The following GATAD2B variants were observed in gnomAD, a reference collection of about 807,000 sequenced individuals.
GATAD2B encodes the protein GATA zinc finger domain containing 2B.
A neutral mutation model predicts 64.3 loss-of-function variants in GATAD2B; 8 were observed. The ratio of observed to expected loss-of-function variants is 0.12; its 90% CI spans 0.07 to 0.22. GATAD2B has a LOEUF of 0.22. Among genes scored for constraint, GATAD2B ranks in the 10% least tolerant of loss-of-function variants. The pLI is 1.00. For missense variants in GATAD2B, 453 were observed against 752.0 expected (o/e 0.60, Z 4.65); for synonymous variants, 281 against 271.3 (o/e 1.04, Z -0.35).
intron 1 of GATAD2B, among the ~76,000 whole-genome samples, chr1:153,892,886 G>A (rs1320932434): frequency 6.6e-6 from 1 of 151,864 alleles, no homozygotes; most frequent in Non-Finnish European, 1.5e-5. Flanking sequence ...GTAGAGACGG[G>A]GTTTCACAAT....
chr1:153,891,574 TAAAAA>T (rs1163572311), intron 1 of GATAD2B, among the ~76,000 whole-genome samples: 39 of 19,948 alleles, frequency 2.0e-3, no homozygotes, highest in African/African-American at 6.4e-3. Context: ...CTGTCTCGTT[TAAAAA>T]AAAAAAAAAA....
chr1:153,848,151 C>A (rs1675754228), intron 1 of GATAD2B, among the ~76,000 whole-genome samples: 3 of 152,160 alleles, frequency 2.0e-5, no homozygotes, highest in Non-Finnish European at 4.4e-5. Context: ...GAAAATTCTT[C>A]CCATGACTTC....
chr1:153,827,662 A>T (rs1053298594), intron 2 of GATAD2B: 38 of 222,424 alleles, frequency 1.7e-4, no homozygotes, highest in African/African-American at 8.7e-4. Flanking sequence ...AACTCCTGGA[A>T]TTATCTGACA....
rs532725717 is a variant in GATAD2B, at chr1:153,831,047, T to C, written c.-1-2699A>G. On this transcript the variant is annotated intron_variant, in intron 1 of 10. Coordinates refer to ENST00000368655, the MANE Select transcript of GATAD2B (RefSeq NM_020699.4). ...CAGCCTCTCAAAGCACTTGGGATTA[T>C]AGGCAGAAATACACCTTTTAGAGAT... Among the ~76,000 whole-genome samples, 58 of 152,286 alleles carry C rather than the reference T, an allele frequency of 3.8e-4. 1 individual carries two copies. The South Asian group carries it at 0.011, about 29-fold the overall frequency.
chr1:153,922,097 G>A (rs1168243522), intron 1 of GATAD2B: 3 of 152,194 alleles, frequency 2.0e-5, no homozygotes, highest in Admixed American at 1.3e-4. Flanking sequence ...CCTACGGGAG[G>A]GCGAGCGAAC....
rs1267043652 is a variant in GATAD2B at position 153,809,899 on chromosome 1, C to T, written c.*278G>A. On this transcript the variant is annotated 3_prime_UTR_variant, in exon 11 of 11. Transcript: ENST00000368655. ...ATTCTCCCCAGGACCTCATTCTGAC[C>T]TCTATCAGAGGTAAAGATCCACCTC... 1.2e-5 allele frequency: 4 copies of T among 324,982 alleles called. No homozygotes were observed. The highest frequency in any genetic ancestry group is 6.5e-5 in the African/African-American group (3 of 45,802). The allele number at this position is 324,982 out of a possible 1,614,324, so 20.1% of individuals were successfully genotyped here.
At chr1:153,821,107 G>C (rs1258229717) in intron 2 of GATAD2B, among the ~76,000 whole-genome samples, 1 of 149,608 alleles carries the variant, frequency 6.7e-6, no homozygotes. Flanking sequence ...TCAGCCTCCT[G>C]AGTAGCTGGG....
chr1:153,905,247 C>T (rs1354840508), intron 1 of GATAD2B, among the ~76,000 whole-genome samples: 1 of 151,890 alleles, frequency 6.6e-6, no homozygotes, highest in African/African-American at 2.4e-5. Flanking sequence ...TGGTGGCAGG[C>T]GCCCTGTAGT....
rs192206375 is a variant in GATAD2B at position 153,910,025 on chromosome 1, G to A, written c.-2+12708C>T. On this transcript the variant is annotated intron_variant, in intron 1 of 10. Transcript: ENST00000368655. ...AGCCACTCAGGAGGCTGAGGCAGGC[G>A]AATTGCTTGAACCTAAGAGGCAGAG... Among the ~76,000 whole-genome samples the A allele has an allele frequency of 3.7e-3, 560 of 151,796 alleles. 2 individuals are homozygous for A. The highest frequency in any genetic ancestry group is 0.012 in the African/African-American group (515 of 41,422).
intron 10 of GATAD2B, among the ~76,000 whole-genome samples, chr1:153,810,562 C>T (rs1329253809): frequency 6.6e-6 from 1 of 152,088 alleles, no homozygotes; most frequent in African/African-American, 2.4e-5. Context: ...TCAAGCAATT[C>T]TCCTGCCTCA....
chr1:153,888,320 C>T (rs1258736340), intron 1 of GATAD2B, among the ~76,000 whole-genome samples: 1 of 152,052 alleles, frequency 6.6e-6, no homozygotes, highest in African/African-American at 2.4e-5. Context: ...GTATTTAATA[C>T]CTACAGAATA....
At chr1:153,900,761 C>CT (rs1677742240) in intron 1 of GATAD2B, among the ~76,000 whole-genome samples, 1 of 152,042 alleles carries the variant, frequency 6.6e-6, no homozygotes, top group Admixed American at 6.6e-5. Context: ...ACTAGTAACT[C>CT]TGACATTGTA....
At chr1:153,898,846 T>C (rs1233315803) in intron 1 of GATAD2B, 2 of 152,196 alleles carry the variant, frequency 1.3e-5, no homozygotes, top group Non-Finnish European at 2.9e-5. Flanking sequence ...TATTAGGAAT[T>C]TGCCCTTACC....
At chr1:153,917,289 G>C (rs533863327) in intron 1 of GATAD2B, among the ~76,000 whole-genome samples, 27 of 151,188 alleles carry the variant, frequency 1.8e-4, no homozygotes, top group South Asian at 4.2e-4. Context: ...GTAGAGATGG[G>C]GTTTCACCAT....
Position 153,840,118 on chromosome 1 carries a change from C to T in GATAD2B, c.-1-11770G>A, listed in dbSNP as rs1366467934. ...CACGATCTTGTCTCACTGCTACCTC[C>T]GCCTCCCAGGTTCAAGCGATTCTCC... On this transcript the variant is annotated intron_variant, in intron 1 of 10. Coordinates refer to ENST00000368655, the MANE Select transcript of GATAD2B (RefSeq NM_020699.4). Among the ~76,000 whole-genome samples the T allele has an allele frequency of 5.5e-5, 8 of 146,764 alleles. No individual in the cohort carries two copies. In the South Asian group the frequency reaches 6.6e-4, roughly 12 times the overall value.
At chr1:153,921,783 T>C (rs1571015885) in intron 1 of GATAD2B, 1 of 152,380 alleles carries the variant, frequency 6.6e-6, no homozygotes, top group East Asian at 1.9e-4. Flanking sequence ...CCCTATGAGC[T>C]AACATCTTGT....
chr1:153,861,838 ATATG>A (rs1437974757), intron 1 of GATAD2B, among the ~76,000 whole-genome samples: 1 of 143,958 alleles, frequency 6.9e-6, no homozygotes, highest in Non-Finnish European at 1.5e-5. Context: ...GTATATGTAT[ATATG>A]TATGTACGTA....
rs917713988 is a variant in GATAD2B, at chr1:153,809,077, A to G, written c.*1100T>C. 2.0e-5 allele frequency: 3 copies of G among 152,180 alleles called. No homozygotes were observed. The highest frequency in any genetic ancestry group is 7.2e-5 in the African/African-American group (3 of 41,436). 9.4% of individuals were successfully genotyped at this position (152,180 alleles called of 1,614,324 possible). On this transcript the variant is annotated 3_prime_UTR_variant, in exon 11 of 11. Transcript: ENST00000368655. ...GAAGAGAAATCCTTTCTTTCGTCTA[A>G]GTCTATTTCCTCCTGTTGTCACTTG... is the stretch of plus-strand genomic sequence containing the variant.
chr1:153,813,192 C>T (rs550348197), intron 8 of GATAD2B, 58 bp downstream of exon 8: 36 of 1,392,240 alleles, frequency 2.6e-5, no homozygotes, highest in African/African-American at 1.1e-4. Flanking sequence ...CTAGAAGGCG[C>T]GACCCTTTGG....
Sources: allele counts gnomAD v4.1 joint callset (sites outside exome capture counted in the v4.1 genomes callset), GRCh38; gene constraint gnomAD v4.1.1; transcripts MANE v1.5; gene names NCBI Gene and HGNC (gene_info 2026-07-23, HGNC 2026-07-21).